MAPKBP1: variants seen among roughly 807,000 people sequenced by gnomAD.
The protein encoded by MAPKBP1 is mitogen-activated protein kinase-binding protein 1.
MAPKBP1 carries 71 observed loss-of-function variants against 170.5 expected under a neutral mutation model. The ratio of observed to expected loss-of-function variants is 0.42; its 90% CI spans 0.34 to 0.51. The LOEUF is 0.51. Among genes scored for constraint, MAPKBP1 ranks in the 20% least tolerant of loss-of-function variants. MAPKBP1 has a pLI of 0.06. For missense variants in MAPKBP1, 1,598 were observed against 1,933.0 expected, an observed-to-expected ratio of 0.83 and a Z score of 3.25; for synonymous variants, 719 against 757.9, an observed-to-expected ratio of 0.95 and a Z score of 0.84.
intron 2 of MAPKBP1, among the ~76,000 whole-genome samples, chr15:41,791,271 A>T (rs2152071331): frequency 6.6e-6 from 1 of 152,298 alleles, no homozygotes; most frequent in East Asian, 1.9e-4. Flanking sequence ...TTTTCCTCAC[A>T]GTTGCTGGGG....
At chr15:41,789,088 C>G (rs1010802194) in intron 2 of MAPKBP1, among the ~76,000 whole-genome samples, 3 of 152,036 alleles carry the variant, frequency 2.0e-5, no homozygotes, top group Non-Finnish European at 4.4e-5. Flanking sequence ...CCTTTTTGTT[C>G]CAGGAGACAC....
Position 41,818,585 on chromosome 15 carries a change from G to A in MAPKBP1, c.2156+3G>A, listed in dbSNP as rs150920206. 2.2e-3 allele frequency: 3,545 copies of A among 1,611,362 alleles called. 19 individuals are homozygous for A. The Middle Eastern group carries it at 0.041, about 18-fold the overall frequency. The stretch of plus-strand genomic sequence containing the variant: ...CTCATCTCTGTGTCTGGGGACAGGT[G>A]AGCAGAAGCCAGCTTCCCTGAGAGG... On this transcript the variant is annotated splice_donor_region_variant and intron_variant, in intron 19 of 30. Coordinates refer to ENST00000457542, the MANE Select transcript of MAPKBP1 (RefSeq NM_014994.3). This position sits in a 1 kb window ranked among gnomAD's most constrained non-coding sequence, Gnocchi z 5.2.
At chr15:41,794,488 C>A (rs1235431389) in intron 2 of MAPKBP1, among the ~76,000 whole-genome samples, 1 of 152,068 alleles carries the variant, frequency 6.6e-6, no homozygotes, top group South Asian at 2.1e-4. Flanking sequence ...GTGTGCCTAC[C>A]ATCAGCTTAA....
At chr15:41,816,718 G>T in intron 13 of MAPKBP1, 68 bp downstream of exon 13, 1 of 1,506,266 alleles carries the variant, frequency 6.6e-7, no homozygotes, top group Non-Finnish European at 9.2e-7. Context: ...ATCTGTCCCG[G>T]CTCTTGGACG....
chr15:41,825,377 G>A lies in MAPKBP1; in HGVS notation c.4468G>A (p.Glu1490Lys). ...AGCCGAGCAGACACAGGCCCTGCTGGAGCAATACTCAGAACTGTTGCTTCG... is the reference window on the plus strand; with the variant it reads ...AGCCGAGCAGACACAGGCCCTGCTGAAGCAATACTCAGAACTGTTGCTTCG... ...VGAEQTQALL[E>K]QYSELLLRAV... The change falls in exon 31 of 31, where the codon GAG (glutamate) becomes AAG (lysine). Residue 1490 changes from glutamate (E) to lysine (K), a missense_variant. Glu to Lys is a moderately conservative substitution (Grantham distance 56). This residue lies in a region of MAPKBP1 where 942 missense variants were observed against 953.2 expected (regional missense o/e 0.99). Transcript: ENST00000457542. 6.2e-7 allele frequency: 1 copy of A among 1,613,530 alleles called. No individual in the cohort carries two copies. Among genetic ancestry groups the A allele is most frequent in the Non-Finnish European group, 8.5e-7 (1 of 1,179,984 alleles).
At position 41,816,458 on chromosome 15, in the gene MAPKBP1, C is replaced by A; in HGVS notation, c.1494-101C>A. 3.8e-6 allele frequency: 3 copies of A among 788,394 alleles called. No individual in the cohort carries two copies. The South Asian group carries it at 4.7e-5, about 12-fold the overall frequency. 48.8% of individuals were successfully genotyped at this position (788,394 alleles called of 1,614,324 possible). ...CAACTTTTCTCTAAGCCTAAAAGTT[C>A]AAAAAAAGGAAAAAGGAGGAGAAAA... is the stretch of plus-strand genomic sequence containing the variant. On this transcript the variant is annotated intron_variant, in intron 12 of 30. Transcript: ENST00000457542.
At chr15:41,805,087 CA>C in intron 3 of MAPKBP1, among the ~76,000 whole-genome samples, 1 of 152,224 alleles carries the variant, frequency 6.6e-6, no homozygotes, top group Middle Eastern at 3.4e-3. Context: ...AGGAGAGAAA[CA>C]AAACTCAGAA....
intron 2 of MAPKBP1, among the ~76,000 whole-genome samples, chr15:41,795,745 T>TA (rs1826698731): frequency 6.6e-6 from 1 of 152,172 alleles, no homozygotes; most frequent in Non-Finnish European, 1.5e-5. Context: ...CAGCTGGGAC[T>TA]ACAGGTGCAC....
At chr15:41,815,168 C>A in intron 10 of MAPKBP1, 91 bp from the exon 11 acceptor site, 1 of 1,494,450 alleles carries the variant, frequency 6.7e-7, no homozygotes, top group South Asian at 1.2e-5. Flanking sequence ...GGCCACCATT[C>A]CCTTTTTCGT....
chr15:41,786,777 A>AATATATATATATATGTATATATATAT (rs2064303397), intron 2 of MAPKBP1, among the ~76,000 whole-genome samples: 1 of 32,470 alleles, frequency 3.1e-5, no homozygotes, highest in African/African-American at 1.3e-4. Flanking sequence ...AAAAAAAAAA[A>AATATATATATATATGTATATATATAT]ATATATATAT....
chr15:41,774,769 G>C, intron 1 of MAPKBP1, 159 bp downstream of exon 1: 1 of 400,016 alleles, frequency 2.5e-6, no homozygotes, highest in East Asian at 3.6e-5. Context: ...TGTGGGCTAC[G>C]GCGAGCCCCG....
intron 2 of MAPKBP1, among the ~76,000 whole-genome samples, chr15:41,790,539 G>C (rs1270936112): frequency 2.0e-5 from 3 of 152,234 alleles, no homozygotes; most frequent in Non-Finnish European, 1.5e-5. Flanking sequence ...TTTCCAAGCA[G>C]TGGCAAATGC....
chr15:41,785,014 C>G (rs1165179273), intron 2 of MAPKBP1, among the ~76,000 whole-genome samples: 1 of 151,958 alleles, frequency 6.6e-6, no homozygotes, highest in Non-Finnish European at 1.5e-5. Flanking sequence ...GGTCTAGACT[C>G]CCTCCCAGGG....
intron 3 of MAPKBP1, among the ~76,000 whole-genome samples, chr15:41,800,908 A>G (rs2064580599): frequency 6.6e-6 from 1 of 151,604 alleles, no homozygotes; most frequent in Non-Finnish European, 1.5e-5. Context: ...TAATTTTTCC[A>G]TTTTTTTGTA....
chr15:41,818,467 C>A lies in MAPKBP1; in HGVS notation c.2093-52C>A. 1 of 1,573,202 alleles carries A rather than the reference C, an allele frequency of 6.4e-7. No homozygotes were observed. Among genetic ancestry groups the A allele is most frequent in the Non-Finnish European group, 8.7e-7 (1 of 1,148,946 alleles). On this transcript the variant is annotated intron_variant, in intron 18 of 30. Transcript: ENST00000457542. This position sits in a 1 kb window ranked among gnomAD's most constrained non-coding sequence, Gnocchi z 5.2. The stretch of plus-strand genomic sequence containing the variant: ...GTGTCCACTGTTGGGATGGAGAGGA[C>A]TTGGTTGGGAATTTAAGGTGGCTTA...
intron 2 of MAPKBP1, among the ~76,000 whole-genome samples, chr15:41,781,068 T>C (rs1450321103): frequency 1.8e-4 from 2 of 11,376 alleles, no homozygotes; most frequent in East Asian, 9.8e-3. Flanking sequence ...TTTTTTTGCT[T>C]TTTTTTTTTT....
chr15:41,818,430 C>A lies in MAPKBP1; in HGVS notation c.2093-89C>A. The A allele has an allele frequency of 6.9e-7, 1 of 1,448,630 alleles. No individual in the cohort carries two copies. The highest frequency in any genetic ancestry group is 9.6e-7 in the Non-Finnish European group (1 of 1,040,308). 89.7% of individuals were successfully genotyped at this position (1,448,630 alleles called of 1,614,324 possible). A position where few individuals can be genotyped will look rare whatever the true frequency, so the allele number is the denominator to read the frequency against. ...CGCAGAGCTACCTATCCCTACCCTG[C>A]AGCCAACCCCCGTGTCCACTGTTGG... On this transcript the variant is annotated intron_variant, in intron 18 of 30. Transcript: ENST00000457542. The surrounding 1 kb of genome is among the most constrained non-coding windows in gnomAD (Gnocchi z 5.2).
Position 41,815,707 on chromosome 15 carries a change from A to G in MAPKBP1, c.1401A>G (p.Ala467=). The change falls in exon 12 of 31, where the codon GCA becomes GCG. Residue 467 remains alanine, a synonymous_variant. Coordinates refer to ENST00000457542, the MANE Select transcript of MAPKBP1 (RefSeq NM_014994.3). The stretch of plus-strand genomic sequence containing the variant: ...TGCCTGGAGGAGACAAAGCTGATGC[A>G]TCCCTGTTGGATCCCCGCGTGGGCA... ...TELPGGDKAD[A]SLLDPRVGIR... 1.2e-6 allele frequency: 2 copies of G among 1,614,200 alleles called. No individual in the cohort carries two copies. The highest frequency in any genetic ancestry group is 1.7e-6 in the Non-Finnish European group (2 of 1,180,036).
At position 41,821,708 on chromosome 15, in the gene MAPKBP1, T is replaced by A; in HGVS notation, c.2843T>A (p.Ile948Asn). 1 of 1,614,178 alleles carries A rather than the reference T, an allele frequency of 6.2e-7. No homozygotes were observed. The highest frequency in any genetic ancestry group is 2.2e-5 in the East Asian group (1 of 44,878). ...GAACCTGCACCCATTGAAGATGGTA[T>A]TGTCTACCCGGAGCCGAGTGACAAC... is the stretch of plus-strand genomic sequence containing the variant. ...DLEPAPIEDG[I>N]VYPEPSDNPT... The change falls in exon 24 of 31, where the codon ATT becomes AAT. Residue 948 changes from isoleucine to asparagine, a missense_variant. Ile to Asn is a moderately radical substitution (Grantham distance 149). Coordinates refer to ENST00000457542, the MANE Select transcript of MAPKBP1 (RefSeq NM_014994.3).
Sources: gnomAD v4.1 joint callset for allele counts (sites outside exome capture counted in the v4.1 genomes callset) on GRCh38, gnomAD v4.1.1 for gene constraint, gnomAD v4.1.1 regional missense constraint, Gnocchi (gnomAD v3.1) non-coding constraint, MANE v1.5 for transcripts, NCBI Gene and HGNC (gene_info 2026-07-23, HGNC 2026-07-21) for gene names.